Variants in DPP6 observed in about 807,000 individuals in gnomAD.
The protein encoded by DPP6 is dipeptidyl peptidase like 6.
In DPP6, 69 loss-of-function variants were observed where a neutral mutation model predicts 122.6. The ratio of observed to expected loss-of-function variants is 0.56; its 90% CI spans 0.46 to 0.69. The LOEUF is 0.69. DPP6 is among the 30% of genes least tolerant of loss of function. The pLI is 0.00. For synonymous variants in DPP6, 418 were observed against 433.1 expected, an observed-to-expected ratio of 0.97 and a Z score of 0.43; for missense variants, 928 against 1,116.9, an observed-to-expected ratio of 0.83 and a Z score of 2.41.
chr7:154,079,214 C>T (rs1278853006), intron 1 of DPP6, among the ~76,000 whole-genome samples: 2 of 152,182 alleles, frequency 1.3e-5, no homozygotes, highest in Non-Finnish European at 2.9e-5. Flanking sequence ...AGTGCCTGGT[C>T]GTCTTTCCAC....
At chr7:154,071,904 C>A (rs531574253) in intron 1 of DPP6, among the ~76,000 whole-genome samples, 1 of 152,262 alleles carries the variant, frequency 6.6e-6, no homozygotes, top group East Asian at 1.9e-4. Flanking sequence ...TCTAAAATCT[C>A]GATCCCTTGA....
intron 1 of DPP6, among the ~76,000 whole-genome samples, chr7:153,911,165 G>A (rs1475337143): frequency 6.6e-6 from 1 of 152,172 alleles, no homozygotes; most frequent in Non-Finnish European, 1.5e-5. Context: ...GGCACATTGA[G>A]TCTTATTGAG....
chr7:154,197,155 G>C (rs1798910863), intron 1 of DPP6, among the ~76,000 whole-genome samples: 1 of 151,866 alleles, frequency 6.6e-6, no homozygotes. Flanking sequence ...GGCACAGCCT[G>C]GTGAATTGCA....
intron 1 of DPP6, among the ~76,000 whole-genome samples, chr7:153,984,684 C>G (rs1395544061): frequency 6.6e-6 from 1 of 151,558 alleles, no homozygotes; most frequent in Non-Finnish European, 1.5e-5. Context: ...TTTGAAATAT[C>G]CCCACTTGTT....
At chr7:154,062,536 CG>C (rs1802142910) in intron 1 of DPP6, among the ~76,000 whole-genome samples, 1 of 18,978 alleles carries the variant, frequency 5.3e-5, no homozygotes. Flanking sequence ...TCCCCTCTTC[CG>C]CCCCTGGCTT....
At chr7:154,517,631 A>C (rs943004852) in intron 3 of DPP6, among the ~76,000 whole-genome samples, 2 of 152,172 alleles carry the variant, frequency 1.3e-5, no homozygotes, top group Admixed American at 1.3e-4. Flanking sequence ...ATAAAGTATC[A>C]TGACATTGTT....
intron 1 of DPP6, among the ~76,000 whole-genome samples, chr7:154,063,007 C>T (rs1289188375): frequency 2.2e-5 from 3 of 135,826 alleles, no homozygotes; most frequent in African/African-American, 5.3e-5. Flanking sequence ...TCCCTCTTCC[C>T]CCCCTGGCTC....
chr7:153,930,088 C>T (rs1465144181), intron 1 of DPP6, among the ~76,000 whole-genome samples: 3 of 152,134 alleles, frequency 2.0e-5, no homozygotes, highest in Admixed American at 1.3e-4. Flanking sequence ...TTATTAGTCA[C>T]GTGCAAATGA....
At chr7:154,832,372 C>T (rs1435739179) in intron 16 of DPP6, among the ~76,000 whole-genome samples, 3 of 152,160 alleles carry the variant, frequency 2.0e-5, no homozygotes, top group Non-Finnish European at 4.4e-5. Context: ...TATGCATTTG[C>T]ATGAAGAGGC....
chr7:153,937,281 G>A (rs1028618202), intron 1 of DPP6, among the ~76,000 whole-genome samples: 1 of 152,164 alleles, frequency 6.6e-6, no homozygotes, highest in Non-Finnish European at 1.5e-5. Flanking sequence ...GCTGATGGCT[G>A]TCGCAAAACA....
At chr7:153,947,608 G>C (rs1291701324) in intron 1 of DPP6, among the ~76,000 whole-genome samples, 1 of 152,200 alleles carries the variant, frequency 6.6e-6, no homozygotes, top group Non-Finnish European at 1.5e-5. Flanking sequence ...TGAAGGGACA[G>C]TGGGGACCCG....
At position 154,727,690 on chromosome 7, in the gene DPP6, T is replaced by C. The variant is rs1842131832; in HGVS notation, c.763-77T>C. 2.7e-6 allele frequency: 4 copies of C among 1,481,684 alleles called. No homozygotes were observed. The Admixed American group carries it at 7.0e-5, about 26-fold the overall frequency. 91.8% of individuals were successfully genotyped at this position (1,481,684 alleles called of 1,614,324 possible). On this transcript the variant is annotated intron_variant, in intron 7 of 25. Transcript: ENST00000377770. ...AGGAAAATGAAAACCCGGTTGATGA[T>C]TTCAGATTTTTTAAGAACAGCCTAT... is the stretch of plus-strand genomic sequence containing the variant.
the DPP6 span, among the ~76,000 whole-genome samples, chr7:153,798,518 G>T: frequency 6.6e-6 from 1 of 152,132 alleles, no homozygotes; most frequent in Non-Finnish European, 1.5e-5. Context: ...GAGGCCCTTG[G>T]CTACGAGGGG....
At chr7:153,803,842 TAC>T in the DPP6 span, among the ~76,000 whole-genome samples, 4 of 149,166 alleles carry the variant, frequency 2.7e-5, no homozygotes, top group East Asian at 1.9e-4. Flanking sequence ...TATGTGTACA[TAC>T]ACACACACAC....
At chr7:153,878,661 G>A in the DPP6 span, among the ~76,000 whole-genome samples, 5 of 152,008 alleles carry the variant, frequency 3.3e-5, no homozygotes, top group South Asian at 2.1e-4. Flanking sequence ...TTGAGACACC[G>A]CTTATCTTGT....
chr7:153,973,122 T>A (rs1563063967), intron 1 of DPP6, among the ~76,000 whole-genome samples: 2 of 151,976 alleles, frequency 1.3e-5, no homozygotes, highest in African/African-American at 4.8e-5. Context: ...GTCGCAAAAA[T>A]TTTTTAGTGA....
the DPP6 span, among the ~76,000 whole-genome samples, chr7:153,864,609 A>T: frequency 6.6e-6 from 1 of 151,812 alleles, no homozygotes; most frequent in African/African-American, 2.4e-5. Context: ...GTGAGCCAAG[A>T]TTGCACCACT....
At chr7:154,122,569 G>A (rs1807560676) in intron 1 of DPP6, among the ~76,000 whole-genome samples, 3 of 152,272 alleles carry the variant, frequency 2.0e-5, no homozygotes, top group African/African-American at 7.2e-5. Flanking sequence ...GTTTCTTCAT[G>A]TGGGTAATAG....
intron 1 of DPP6, among the ~76,000 whole-genome samples, chr7:154,283,397 G>A (rs1563413246): frequency 6.6e-6 from 1 of 152,082 alleles, no homozygotes; most frequent in Non-Finnish European, 1.5e-5. Flanking sequence ...TAATATGTAA[G>A]TAACTATTAG....
Sources: gnomAD v4.1 joint callset for allele counts (sites outside exome capture counted in the v4.1 genomes callset) on GRCh38, gnomAD v4.1.1 for gene constraint, MANE v1.5 for transcripts, NCBI Gene and HGNC (gene_info 2026-07-23, HGNC 2026-07-21) for gene names.